Variants in CNTNAP2 observed in about 807,000 individuals in gnomAD.
CNTNAP2 encodes contactin-associated protein-like 2.
A neutral mutation model predicts 155.2 loss-of-function variants in CNTNAP2; 98 were observed. The observed-to-expected ratio is 0.63, with a 90% CI of 0.54 to 0.75. CNTNAP2 has a LOEUF of 0.75. CNTNAP2 is among the 30% of genes least tolerant of loss of function. The pLI is 0.00. For missense variants in CNTNAP2, 1,727 were observed against 1,688.1 expected (o/e 1.02, Z -0.40); for synonymous variants, 651 against 631.2 (o/e 1.03, Z -0.47).
chr7:147,065,607 T>C (rs944999207), intron 4 of CNTNAP2, among the ~76,000 whole-genome samples: 3 of 152,222 alleles, frequency 2.0e-5, no homozygotes, highest in African/African-American at 7.2e-5. Flanking sequence ...TTTCCTCTTA[T>C]ATCCTGTCAC....
intron 1 of CNTNAP2, among the ~76,000 whole-genome samples, chr7:146,311,071 A>T (rs769015461): frequency 6.6e-6 from 1 of 151,752 alleles, no homozygotes; most frequent in Non-Finnish European, 1.5e-5. Context: ...GTTCTTGAGG[A>T]AGTTAAAAAA....
intron 15 of CNTNAP2, among the ~76,000 whole-genome samples, chr7:148,076,087 A>G (rs17170817): frequency 0.012 from 1,900 of 152,316 alleles, 53 homozygotes; most frequent in African/African-American, 0.043. Flanking sequence ...GTAATGAAAG[A>G]CTTAAGTTAT....
At chr7:146,504,612 T>G (rs2129133930) in intron 1 of CNTNAP2, among the ~76,000 whole-genome samples, 1 of 152,246 alleles carries the variant, frequency 6.6e-6, no homozygotes, top group South Asian at 2.1e-4. Context: ...CTTGCATTTC[T>G]ACAGTTACGA....
At chr7:147,011,275 G>C (rs984897823) in intron 3 of CNTNAP2, among the ~76,000 whole-genome samples, 5 of 151,714 alleles carry the variant, frequency 3.3e-5, no homozygotes, top group African/African-American at 7.3e-5. Flanking sequence ...TTAGCTTGAC[G>C]TGGTGACACA....
At chr7:146,880,547 CACAACAG>C (rs1222242289) in intron 3 of CNTNAP2, among the ~76,000 whole-genome samples, 1 of 152,074 alleles carries the variant, frequency 6.6e-6, no homozygotes, top group African/African-American at 2.4e-5. Flanking sequence ...GAAAATTCTA[CACAACAG>C]TGGAGTTGAA....
chr7:147,597,628 C>T (rs1235969812), intron 12 of CNTNAP2, among the ~76,000 whole-genome samples: 2 of 152,124 alleles, frequency 1.3e-5, no homozygotes, highest in Non-Finnish European at 2.9e-5. Flanking sequence ...ATGAATTTCC[C>T]ACCAATAACA....
intron 12 of CNTNAP2, among the ~76,000 whole-genome samples, chr7:147,566,402 C>A (rs1024275010): frequency 6.6e-6 from 1 of 150,950 alleles, no homozygotes; most frequent in Non-Finnish European, 1.5e-5. Context: ...GGAATTAGTC[C>A]GTTCTCACGC....
intron 1 of CNTNAP2, among the ~76,000 whole-genome samples, chr7:146,160,356 A>C (rs1798198165): frequency 1.3e-5 from 2 of 152,222 alleles, no homozygotes; most frequent in Non-Finnish European, 2.9e-5. Flanking sequence ...GCAGAAATGA[A>C]GGTGATAGAG....
At chr7:148,413,017 T>A (rs1799877079) in intron 23 of CNTNAP2, among the ~76,000 whole-genome samples, 1 of 152,174 alleles carries the variant, frequency 6.6e-6, no homozygotes. Context: ...TAAACCAAAC[T>A]TGCATTCCTA....
chr7:146,848,932 C>T (rs1452864049), intron 3 of CNTNAP2, among the ~76,000 whole-genome samples: 1 of 152,030 alleles, frequency 6.6e-6, no homozygotes, highest in Admixed American at 6.5e-5. Context: ...ACCACCATCC[C>T]ATGCTAATGA....
At chr7:148,261,088 A>G (rs1211864559) in intron 20 of CNTNAP2, among the ~76,000 whole-genome samples, 1 of 152,216 alleles carries the variant, frequency 6.6e-6, no homozygotes, top group Non-Finnish European at 1.5e-5. Context: ...GAGAGAAGCC[A>G]TCTTCCATAT....
At chr7:146,564,439 A>G (rs1385091972) in intron 1 of CNTNAP2, among the ~76,000 whole-genome samples, 1 of 151,442 alleles carries the variant, frequency 6.6e-6, no homozygotes, top group Non-Finnish European at 1.5e-5. Flanking sequence ...ATTTTCTGGC[A>G]CAGAGTAAGT....
At chr7:147,784,163 A>G (rs1797697684) in intron 13 of CNTNAP2, among the ~76,000 whole-genome samples, 1 of 151,860 alleles carries the variant, frequency 6.6e-6, no homozygotes, top group African/African-American at 2.4e-5. Context: ...ATATTGGATT[A>G]TAGCTCACCC....
chr7:146,164,897 G>A lies in CNTNAP2; in HGVS notation c.97+47924G>A, dbSNP rs527488508. On this transcript the variant is annotated intron_variant, in intron 1 of 23. Coordinates refer to ENST00000361727, the MANE Select transcript of CNTNAP2 (RefSeq NM_014141.6). ...TCTTTCAGGTGGGACCAGTCTTCAG[G>A]AAGTTATTCGGAGTTTGAAAAGATA... 9.2e-5 allele frequency among the ~76,000 whole-genome samples: 14 copies of A among 152,256 alleles called. No homozygotes were observed. The South Asian group carries it at 1.7e-3, about 18-fold the overall frequency.
chr7:147,121,773 A>G (rs963552293), intron 6 of CNTNAP2: 7 of 152,310 alleles, frequency 4.6e-5, no homozygotes, highest in African/African-American at 1.7e-4. Flanking sequence ...AAATAAAAAT[A>G]TATTCTCATA....
At chr7:148,324,159 A>G (rs977074576) in intron 21 of CNTNAP2, among the ~76,000 whole-genome samples, 17 of 152,120 alleles carry the variant, frequency 1.1e-4, no homozygotes, top group Non-Finnish European at 2.9e-5. Context: ...TGCTAGGATT[A>G]CAGACATGAG....
chr7:147,501,294 C>T (rs576461850), intron 11 of CNTNAP2, among the ~76,000 whole-genome samples: 1 of 151,734 alleles, frequency 6.6e-6, no homozygotes, highest in Non-Finnish European at 1.5e-5. Context: ...TGGTGAAAAA[C>T]TGAACGCTTT....
At chr7:146,300,328 T>C (rs1800585322) in intron 1 of CNTNAP2, among the ~76,000 whole-genome samples, 1 of 151,456 alleles carries the variant, frequency 6.6e-6, no homozygotes, top group African/African-American at 2.4e-5. Context: ...GTATAAATAT[T>C]GCACACTTTT....
intron 2 of CNTNAP2, among the ~76,000 whole-genome samples, chr7:146,804,521 A>G (rs1802934429): frequency 6.6e-6 from 1 of 152,224 alleles, no homozygotes; most frequent in South Asian, 2.1e-4. Flanking sequence ...CTAACATAGC[A>G]AAAGAAACAA....
Sources: allele counts gnomAD v4.1 joint callset (sites outside exome capture counted in the v4.1 genomes callset), GRCh38; gene constraint gnomAD v4.1.1; transcripts MANE v1.5; gene names NCBI Gene and HGNC (gene_info 2026-07-23, HGNC 2026-07-21).